The following LRRC4C variants were observed in gnomAD, a reference collection of about 807,000 sequenced individuals.
LRRC4C encodes the protein leucine-rich repeat-containing protein 4C.
LRRC4C carries 5 observed loss-of-function variants against 33.6 expected under a neutral mutation model. That is an observed-to-expected ratio of 0.15 (90% CI 0.08 to 0.31). LRRC4C has a LOEUF of 0.31. Ranked by LOEUF, LRRC4C falls within the 10% of genes least tolerant of loss-of-function variation. The probability of loss-of-function intolerance (pLI) is 1.00; values close to 1 mark genes in which losing one functional copy is unlikely to be tolerated. For synonymous variants in LRRC4C, 329 were observed against 302.0 expected (o/e 1.09, Z -0.93); for missense variants, 560 against 796.7 (o/e 0.70, Z 3.58).
chr11:41,009,274 T>C lies in LRRC4C; in HGVS notation c.-495-75551A>G, dbSNP rs572011686. The stretch of plus-strand genomic sequence containing the variant: ...TATATATATGTTTTGAATATATATA[T>C]CCAAAACAATGTGTGTAAATTTTTC... On this transcript the variant is annotated intron_variant, in intron 1 of 6. Coordinates refer to ENST00000528697, the MANE Select transcript of LRRC4C (RefSeq NM_001258419.2). 8.6e-5 allele frequency among the ~76,000 whole-genome samples: 13 copies of C among 151,996 alleles called. No homozygotes were observed. In the South Asian group the frequency reaches 2.7e-3, roughly 32 times the overall value.
intron 6 of LRRC4C, among the ~76,000 whole-genome samples, chr11:40,138,090 C>A (rs1857107970): frequency 6.6e-6 from 1 of 152,198 alleles, no homozygotes; most frequent in African/African-American, 2.4e-5. Context: ...TTAGTACTGT[C>A]CAAATCCACC....
chr11:40,159,250 A>G (rs1455753612), intron 5 of LRRC4C, among the ~76,000 whole-genome samples: 2 of 152,174 alleles, frequency 1.3e-5, no homozygotes, highest in Non-Finnish European at 2.9e-5. Context: ...TAGAGAAGCC[A>G]TTCCCAGGTT....
chr11:40,142,159 G>A (rs1857412094), intron 5 of LRRC4C, among the ~76,000 whole-genome samples: 1 of 151,390 alleles, frequency 6.6e-6, no homozygotes, highest in Non-Finnish European at 1.5e-5. Context: ...GTGCACGCCT[G>A]TAGTCCCAGC....
chr11:41,060,205 T>C (rs1444514718), intron 1 of LRRC4C, among the ~76,000 whole-genome samples: 3 of 152,168 alleles, frequency 2.0e-5, no homozygotes, highest in Non-Finnish European at 2.9e-5. Flanking sequence ...TCTGGGGAGA[T>C]TGTAATCATA....
chr11:40,475,620 T>C (rs1015549843), intron 3 of LRRC4C, among the ~76,000 whole-genome samples: 1 of 152,040 alleles, frequency 6.6e-6, no homozygotes, highest in Non-Finnish European at 1.5e-5. Context: ...AAAATCCAAG[T>C]TAAGGACTAG....
chr11:40,172,546 C>G (rs1324963669), intron 5 of LRRC4C, among the ~76,000 whole-genome samples: 1 of 151,388 alleles, frequency 6.6e-6, no homozygotes, highest in Admixed American at 6.6e-5. Flanking sequence ...CCCTTTTTAC[C>G]CTCCCATTCT....
chr11:40,131,397 G>A (rs978791403), intron 6 of LRRC4C, among the ~76,000 whole-genome samples: 9 of 152,166 alleles, frequency 5.9e-5, no homozygotes, highest in African/African-American at 2.2e-4. Context: ...ATAGGGGATT[G>A]AAAATGACGG....
intron 2 of LRRC4C, among the ~76,000 whole-genome samples, chr11:40,774,660 C>T (rs2137205880): frequency 6.6e-6 from 1 of 151,940 alleles, no homozygotes; most frequent in East Asian, 1.9e-4. Context: ...AATTTGTTGA[C>T]AAAACTCTAA....
intron 2 of LRRC4C, among the ~76,000 whole-genome samples, chr11:40,729,214 A>G (rs1947439829): frequency 6.6e-6 from 1 of 152,192 alleles, no homozygotes; most frequent in Non-Finnish European, 1.5e-5. Flanking sequence ...TTGTTGGCAT[A>G]TTTTAGTCGA....
chr11:40,693,763 A>G (rs1178737019), intron 2 of LRRC4C, among the ~76,000 whole-genome samples: 1 of 152,110 alleles, frequency 6.6e-6, no homozygotes, highest in Non-Finnish European at 1.5e-5. Flanking sequence ...GAATAAATTC[A>G]TCTTAAAAAA....
chr11:41,192,689 G>A (rs1946011145), intron 1 of LRRC4C, among the ~76,000 whole-genome samples: 1 of 151,932 alleles, frequency 6.6e-6, no homozygotes, highest in Non-Finnish European at 1.5e-5. Context: ...GAATTGCTAT[G>A]AAAAAGGCAT....
intron 1 of LRRC4C, among the ~76,000 whole-genome samples, chr11:41,193,229 C>T (rs1039585384): frequency 1.6e-4 from 24 of 152,154 alleles, no homozygotes; most frequent in African/African-American, 5.5e-4. Context: ...TTGGAAAGTA[C>T]CTCTCCAGAA....
At chr11:40,212,770 C>T (rs1182617676) in intron 5 of LRRC4C, among the ~76,000 whole-genome samples, 2 of 152,062 alleles carry the variant, frequency 1.3e-5, no homozygotes, top group African/African-American at 4.8e-5. Flanking sequence ...AGGTCACATA[C>T]CTATTCAATA....
chr11:40,929,629 T>TTTTG (rs1957531752), intron 2 of LRRC4C, among the ~76,000 whole-genome samples: 1 of 152,108 alleles, frequency 6.6e-6, no homozygotes, highest in South Asian at 2.1e-4. Context: ...ATTTTATTTT[T>TTTTG]TTTGAGACAG....
intron 1 of LRRC4C, among the ~76,000 whole-genome samples, chr11:41,331,412 C>T (rs1291968830): frequency 6.6e-6 from 1 of 152,086 alleles, no homozygotes; most frequent in Non-Finnish European, 1.5e-5. Context: ...AGAAACCTAA[C>T]CAATACATGT....
intron 1 of LRRC4C, among the ~76,000 whole-genome samples, chr11:41,408,026 T>C (rs1954307922): frequency 6.6e-6 from 1 of 152,196 alleles, no homozygotes; most frequent in South Asian, 2.1e-4. Flanking sequence ...GGAGCCAGGC[T>C]GTATGTTAGG....
intron 3 of LRRC4C, among the ~76,000 whole-genome samples, chr11:40,443,770 A>G (rs1268401542): frequency 1.3e-5 from 2 of 152,234 alleles, no homozygotes. Context: ...CGTATTTTCA[A>G]AAATAAAAAG....
At chr11:41,439,449 A>C (rs1276291892) in intron 1 of LRRC4C, among the ~76,000 whole-genome samples, 1 of 152,174 alleles carries the variant, frequency 6.6e-6, no homozygotes, top group East Asian at 1.9e-4. Context: ...AGAAATCTCC[A>C]TACTGTTTTT....
chr11:40,554,967 C>T (rs987061665), intron 3 of LRRC4C, among the ~76,000 whole-genome samples: 1 of 143,106 alleles, frequency 7.0e-6, no homozygotes, highest in Non-Finnish European at 1.5e-5. Context: ...GTGATCCGCC[C>T]GCCTCGGCCT....
Sources: gnomAD v4.1 joint callset for allele counts (sites outside exome capture counted in the v4.1 genomes callset) on GRCh38, gnomAD v4.1.1 for gene constraint, MANE v1.5 for transcripts, NCBI Gene and HGNC (gene_info 2026-07-23, HGNC 2026-07-21) for gene names.